RGS22: variants seen among roughly 807,000 people sequenced by gnomAD.
RGS22 encodes regulator of G protein signaling 22.
A neutral mutation model predicts 172.9 loss-of-function variants in RGS22; 148 were observed. That is an observed-to-expected ratio of 0.86 (90% CI 0.75 to 0.98). The LOEUF (loss-of-function observed/expected upper bound fraction) is 0.98. RGS22 is among the 50% of genes least tolerant of loss of function. The pLI, the probability that RGS22 is intolerant of heterozygous loss-of-function variation, is 0.00. For synonymous variants in RGS22, 458 were observed against 480.2 expected (o/e 0.95, Z 0.60); for missense variants, 1,347 against 1,440.8 (o/e 0.93, Z 1.05).
intron 4 of RGS22, among the ~76,000 whole-genome samples, chr8:100,074,991 C>T (rs1465157318): frequency 6.6e-6 from 1 of 152,084 alleles, no homozygotes; most frequent in East Asian, 1.9e-4. Context: ...AGGATGGTCT[C>T]GATCTCCTGA....
rs191495449 is a variant in RGS22, at chr8:99,996,605, A to G, written c.2950-75T>C. The G allele has an allele frequency of 4.5e-5, 53 of 1,190,680 alleles. No individual in the cohort carries two copies. In the African/African-American group the frequency reaches 5.7e-4, roughly 13 times the overall value. The allele number at this position is 1,190,680 out of a possible 1,614,324, so 73.8% of individuals were successfully genotyped here. A position where few individuals can be genotyped will look rare whatever the true frequency, so the allele number is the denominator to read the frequency against. On this transcript the variant is annotated intron_variant, in intron 19 of 27. Transcript: ENST00000360863. ...GAAATCATTTACTAATTAAGTAGCT[A>G]AAAAAATGAGATAAAGGTTAACTTG...
At chr8:100,001,202 T>TTATATATACA (rs1554611102) in intron 18 of RGS22, among the ~76,000 whole-genome samples, 1 of 124,780 alleles carries the variant, frequency 8.0e-6, no homozygotes, top group East Asian at 2.3e-4. Context: ...TCCCAATTTT[T>TTATATATACA]TATATATATA....
chr8:99,971,970 G>A (rs908761666), intron 23 of RGS22, among the ~76,000 whole-genome samples: 1 of 152,036 alleles, frequency 6.6e-6, no homozygotes, highest in Non-Finnish European at 1.5e-5. Context: ...GAACAAAGAT[G>A]GAGGCATCAC....
At chr8:100,014,886 G>A (rs894760363) in intron 14 of RGS22, among the ~76,000 whole-genome samples, 20 of 152,120 alleles carry the variant, frequency 1.3e-4, no homozygotes, top group Admixed American at 1.1e-3. Flanking sequence ...CTTGGCTCCT[G>A]AAGTCTGGCT....
intron 21 of RGS22, among the ~76,000 whole-genome samples, chr8:99,986,460 G>A (rs1813108644): frequency 6.6e-6 from 1 of 152,108 alleles, no homozygotes. Flanking sequence ...TATTCCTCAT[G>A]TTTACAATGG....
intron 18 of RGS22, 92 bp downstream of exon 18, chr8:100,002,110 T>G (rs1588948865): frequency 1.0e-6 from 1 of 982,382 alleles, no homozygotes; most frequent in Non-Finnish European, 1.5e-6. Flanking sequence ...CAAAAGAAAA[T>G]AAAATAAGAG....
At chr8:99,962,313 T>C (rs892823955) in intron 27 of RGS22, 81 bp downstream of exon 27, 1 of 846,076 alleles carries the variant, frequency 1.2e-6, no homozygotes, top group African/African-American at 1.7e-5. Context: ...GTATGCTGTG[T>C]GTGTGCATGC....
intron 23 of RGS22, among the ~76,000 whole-genome samples, chr8:99,976,868 T>C (rs1337167542): frequency 6.6e-6 from 1 of 152,230 alleles, no homozygotes; most frequent in Non-Finnish European, 1.5e-5. Flanking sequence ...GTGTTCATTA[T>C]ATTACTTTTG....
intron 16 of RGS22, among the ~76,000 whole-genome samples, chr8:100,005,073 T>G (rs1815541524): frequency 6.6e-6 from 1 of 152,040 alleles, no homozygotes; most frequent in Non-Finnish European, 1.5e-5. Flanking sequence ...TGGATAGTAT[T>G]ATAAAGTTTA....
intron 24 of RGS22, among the ~76,000 whole-genome samples, chr8:99,963,722 C>G (rs114519656): frequency 1.3e-5 from 2 of 151,998 alleles, no homozygotes; most frequent in African/African-American, 2.4e-5. Context: ...AGAGATGATT[C>G]GAAGTATATG....
chr8:100,079,010 A>G (rs1811556955), intron 4 of RGS22, among the ~76,000 whole-genome samples: 1 of 152,240 alleles, frequency 6.6e-6, no homozygotes, highest in Non-Finnish European at 1.5e-5. Flanking sequence ...TAATCAGTCT[A>G]TCTTCAAATA....
intron 14 of RGS22, among the ~76,000 whole-genome samples, chr8:100,035,652 T>C (rs1455020574): frequency 1.3e-5 from 2 of 152,178 alleles, no homozygotes. Context: ...TAAAGACACA[T>C]GCACATGTAT....
intron 6 of RGS22, among the ~76,000 whole-genome samples, chr8:100,070,622 T>G (rs2032421512): frequency 6.6e-6 from 1 of 152,208 alleles, no homozygotes. Context: ...TAATTGTGGG[T>G]TTTTTGTATT....
In RGS22 at chr8:100,004,837, C is replaced by T. The variant is rs114779640; in HGVS notation, c.2455-739G>A. Among the ~76,000 whole-genome samples the T allele has an allele frequency of 7.2e-3, 1,085 of 151,300 alleles. 11 individuals are homozygous for T. The highest frequency in any genetic ancestry group is 0.025 in the African/African-American group (1,032 of 41,388). ...TATTAAAATATAATATAAATATAAT[C>T]GCCTTCATATAAAAGTTAATTTTTA... On this transcript the variant is annotated intron_variant, in intron 16 of 27. Coordinates refer to ENST00000360863, the MANE Select transcript of RGS22 (RefSeq NM_015668.5).
chr8:100,019,893 T>TC (rs1817416866), intron 14 of RGS22, among the ~76,000 whole-genome samples: 1 of 152,062 alleles, frequency 6.6e-6, no homozygotes, highest in Admixed American at 6.6e-5. Flanking sequence ...AAGTACTTTT[T>TC]TTTTTTTTTA....
intron 20 of RGS22, among the ~76,000 whole-genome samples, chr8:99,991,683 G>A (rs975349508): frequency 6.6e-6 from 1 of 152,138 alleles, no homozygotes; most frequent in Non-Finnish European, 1.5e-5. Flanking sequence ...AACCAAGTTG[G>A]AAAACACTCT....
intron 14 of RGS22, among the ~76,000 whole-genome samples, chr8:100,038,036 A>G (rs1028492474): frequency 1.9e-4 from 29 of 152,328 alleles, no homozygotes; most frequent in African/African-American, 7.0e-4. Context: ...ATCAAATAAG[A>G]TTATAAGATA....
intron 21 of RGS22, among the ~76,000 whole-genome samples, chr8:99,985,327 G>C (rs1812969025): frequency 6.6e-6 from 1 of 152,196 alleles, no homozygotes; most frequent in Non-Finnish European, 1.5e-5. Context: ...CACTTAATAA[G>C]AGTAAGCCCT....
chr8:100,029,786 T>C (rs1818596839), intron 14 of RGS22, among the ~76,000 whole-genome samples: 1 of 150,628 alleles, frequency 6.6e-6, no homozygotes, highest in African/African-American at 2.4e-5. Context: ...TGCACATGTA[T>C]CCCAGGACTT....
Sources: allele counts gnomAD v4.1 joint callset (sites outside exome capture counted in the v4.1 genomes callset), GRCh38; gene constraint gnomAD v4.1.1; transcripts MANE v1.5; gene names NCBI Gene and HGNC (gene_info 2026-07-23, HGNC 2026-07-21).